The following ASPH variants were observed in gnomAD, a reference collection of about 807,000 sequenced individuals.
The protein encoded by ASPH is aspartate beta-hydroxylase.
In ASPH, 100 loss-of-function variants were observed where a neutral mutation model predicts 118.4. That is an observed-to-expected ratio of 0.84 (90% CI 0.72 to 1.00). The LOEUF is 1.00. Ranked by LOEUF, ASPH falls within the 50% of genes least tolerant of loss-of-function variation. The pLI, the probability that ASPH is intolerant of heterozygous loss-of-function variation, is 0.00. For missense variants in ASPH, 920 were observed against 919.5 expected (o/e 1.00, Z -0.01); for synonymous variants, 315 against 325.6 (o/e 0.97, Z 0.35).
chr8:61,655,296 A>C (rs947536350), intron 3 of ASPH, among the ~76,000 whole-genome samples: 1 of 152,142 alleles, frequency 6.6e-6, no homozygotes, highest in Non-Finnish European at 1.5e-5. Context: ...TCACATTAGT[A>C]CTTCTCTACT....
At chr8:61,664,450 T>C in intron 3 of ASPH, 1 of 983,544 alleles carries the variant, frequency 1.0e-6, no homozygotes, top group Non-Finnish European at 1.2e-6. Context: ...TTCTTCTAAA[T>C]ACAATTCTCC....
At chr8:61,602,863 A>G (rs1844444060) in intron 14 of ASPH, among the ~76,000 whole-genome samples, 1 of 152,182 alleles carries the variant, frequency 6.6e-6, no homozygotes, top group African/African-American at 2.4e-5. Flanking sequence ...TAATAAACAT[A>G]TAAAAATATA....
intron 18 of ASPH, among the ~76,000 whole-genome samples, chr8:61,562,530 G>A (rs1268271367): frequency 6.6e-6 from 1 of 151,732 alleles, no homozygotes; most frequent in Non-Finnish European, 1.5e-5. Flanking sequence ...ATAAGTTGAA[G>A]GCTTTAATGT....
At chr8:61,509,140 A>AGGGAAAGAAAAAGTCATAGTGTTAC (rs1807824767) in intron 24 of ASPH, among the ~76,000 whole-genome samples, 1 of 152,136 alleles carries the variant, frequency 6.6e-6, no homozygotes. Context: ...GAAGGGGAAA[A>AGGGAAAGAAAAAGTCATAGTGTTAC]GGGAAAGAAA....
chr8:61,529,710 C>T (rs1389833473), intron 21 of ASPH, among the ~76,000 whole-genome samples: 1 of 152,138 alleles, frequency 6.6e-6, no homozygotes, highest in Non-Finnish European at 1.5e-5. Flanking sequence ...TTATAAATAA[C>T]AGATATTTAT....
intron 22 of ASPH, among the ~76,000 whole-genome samples, chr8:61,523,012 T>C (rs1032738269): frequency 9.8e-5 from 15 of 152,302 alleles, no homozygotes; most frequent in African/African-American, 3.6e-4. Context: ...ACCGTAATTT[T>C]ACTTCCCAAA....
intron 1 of ASPH, 67 bp downstream of exon 1, chr8:61,714,202 C>A (rs950035256): frequency 1.3e-5 from 18 of 1,356,950 alleles, no homozygotes; most frequent in Non-Finnish European, 1.6e-5. Flanking sequence ...CCCGCAGCGT[C>A]CGCCGCGCCA....
At chr8:61,547,729 A>T (rs1366772477) in intron 21 of ASPH, among the ~76,000 whole-genome samples, 1 of 151,878 alleles carries the variant, frequency 6.6e-6, no homozygotes, top group Non-Finnish European at 1.5e-5. Context: ...TTTTTAAATA[A>T]TTCATAAATA....
intron 14 of ASPH, among the ~76,000 whole-genome samples, chr8:61,594,609 C>T (rs1326800077): frequency 6.6e-6 from 1 of 152,136 alleles, no homozygotes; most frequent in Non-Finnish European, 1.5e-5. Context: ...TAGCTGAATA[C>T]AATACAATAA....
intron 22 of ASPH, among the ~76,000 whole-genome samples, chr8:61,523,663 CT>C: frequency 6.7e-6 from 1 of 150,360 alleles, no homozygotes; most frequent in Non-Finnish European, 1.5e-5. Flanking sequence ...AAAATAGTTA[CT>C]GGATTCCCCC....
chr8:61,690,443 T>C (rs541626829), intron 1 of ASPH, among the ~76,000 whole-genome samples: 1 of 151,738 alleles, frequency 6.6e-6, no homozygotes, highest in African/African-American at 2.4e-5. Context: ...GTAAGAATAA[T>C]GACCTGGGAA....
At chr8:61,664,112 T>A in intron 3 of ASPH, 1 of 969,878 alleles carries the variant, frequency 1.0e-6, no homozygotes, top group Non-Finnish European at 1.2e-6. Flanking sequence ...CATTTCACAG[T>A]AGTCACAATT....
intron 16 of ASPH, among the ~76,000 whole-genome samples, chr8:61,570,393 A>C (rs1437592898): frequency 1.3e-5 from 2 of 152,180 alleles, no homozygotes; most frequent in Non-Finnish European, 2.9e-5. Context: ...CAGAGTGCCC[A>C]AAAAGATCCT....
At chr8:61,707,150 C>A (rs1401595091) in intron 1 of ASPH, among the ~76,000 whole-genome samples, 4 of 151,680 alleles carry the variant, frequency 2.6e-5, no homozygotes, top group African/African-American at 9.7e-5. Flanking sequence ...AAATTCTGTT[C>A]AACAACGTAT....
At chr8:61,605,772 C>T (rs1318631137) in intron 14 of ASPH, among the ~76,000 whole-genome samples, 1 of 152,210 alleles carries the variant, frequency 6.6e-6, no homozygotes, top group African/African-American at 2.4e-5. Flanking sequence ...CAAACTCAGA[C>T]TGACCAAGAA....
chr8:61,669,581 C>T lies in ASPH; in HGVS notation c.322+11387G>A, dbSNP rs117020864. The stretch of plus-strand genomic sequence containing the variant: ...ATGAGTGCTATTTCCAATCACTCTC[C>T]ACTAAAGTTTATTTCAGAATAAAAT... On this transcript the variant is annotated intron_variant, in intron 3 of 24. Coordinates refer to ENST00000379454, the MANE Select transcript of ASPH (RefSeq NM_004318.4). Among the ~76,000 whole-genome samples, 600 of 152,260 alleles carry T rather than the reference C, an allele frequency of 3.9e-3. 2 individuals are homozygous for T. Among genetic ancestry groups the T allele is most frequent in the Non-Finnish European group, 6.1e-3 (416 of 68,024 alleles).
At position 61,642,868 on chromosome 8, in the gene ASPH, AAAAG is replaced by A. The variant is rs914365539; in HGVS notation, c.790+16_790+19del. On this transcript the variant is annotated intron_variant, in intron 10 of 24. Coordinates refer to ENST00000379454, the MANE Select transcript of ASPH (RefSeq NM_004318.4). ...CTCAAAAAAAAAAAGAAAAAAAAAA[AAAAG>A]AAAGCATTTGCAAACCTTGTTCCTC... 2.6e-6 allele frequency: 4 copies of A among 1,539,932 alleles called. No homozygotes were observed. The highest frequency in any genetic ancestry group is 2.3e-5 in the East Asian group (1 of 42,874).
chr8:61,557,510 C>A (rs914390945), intron 18 of ASPH, among the ~76,000 whole-genome samples: 1 of 152,190 alleles, frequency 6.6e-6, no homozygotes, highest in Non-Finnish European at 1.5e-5. Context: ...GACCATTACC[C>A]GCATTACTAA....
rs150312211 is a variant in ASPH, at chr8:61,562,389, C to CTGTGTGTGTG, written c.1437+345_1437+354dup. Among the ~76,000 whole-genome samples the CTGTGTGTGTG allele has an allele frequency of 1.9e-4, 25 of 128,986 alleles. 5 individuals carry two copies. The highest frequency in any genetic ancestry group is 8.6e-3 in the Middle Eastern group (2 of 232). 84.6% of individuals were successfully genotyped at this position (128,986 alleles called of 152,430 possible). A position where few individuals can be genotyped will look rare whatever the true frequency, so the allele number is the denominator to read the frequency against. Reference sequence around the variant, plus strand: ...AAAAAAAAAAAAAAGGAAAGTGTGTCTGTGTGTGTGTGTGTGTGTGTGTGT... The same window carrying CTGTGTGTGTG: ...AAAAAAAAAAAAAAGGAAAGTGTGTCTGTGTGTGTGTGTGTGTGTGTGTGTGTGTGTGTGT... On this transcript the variant is annotated intron_variant, in intron 18 of 24. Coordinates refer to ENST00000379454, the MANE Select transcript of ASPH (RefSeq NM_004318.4).
Sources: allele counts gnomAD v4.1 joint callset (sites outside exome capture counted in the v4.1 genomes callset), GRCh38; gene constraint gnomAD v4.1.1; transcripts MANE v1.5; gene names NCBI Gene and HGNC (gene_info 2026-07-23, HGNC 2026-07-21).